PRKAG2: variants seen among roughly 807,000 people sequenced by gnomAD.
The protein encoded by PRKAG2 is 5'-AMP-activated protein kinase subunit gamma-2.
Under a neutral mutation model 69.6 loss-of-function variants are expected in PRKAG2, and 26 were observed. The ratio of observed to expected loss-of-function variants is 0.37; its 90% CI spans 0.27 to 0.52. The LOEUF is 0.52. PRKAG2 is among the 20% of genes least tolerant of loss of function. The pLI is 0.90. For synonymous variants in PRKAG2, 293 were observed against 285.0 expected (o/e 1.03, Z -0.28); for missense variants, 557 against 740.0 (o/e 0.75, Z 2.87).
intron 3 of PRKAG2, chr7:151,736,510 A>T (rs1799836394): frequency 4.3e-6 from 3 of 692,422 alleles, no homozygotes; most frequent in South Asian, 1.3e-4. Context: ...CTGTAAAAGG[A>T]AACCACCCTG....
intron 1 of PRKAG2, among the ~76,000 whole-genome samples, chr7:151,816,472 C>T (rs1457534158): frequency 6.6e-6 from 1 of 152,172 alleles, no homozygotes; most frequent in African/African-American, 2.4e-5. Context: ...TCAGTTCTTC[C>T]TTTGAAAAAC....
intron 1 of PRKAG2, among the ~76,000 whole-genome samples, chr7:151,865,835 C>T (rs369114192): frequency 1.8e-4 from 28 of 152,112 alleles, no homozygotes; most frequent in Middle Eastern, 3.4e-3. Flanking sequence ...CTGGCTAACA[C>T]GGTGAAACCC....
chr7:151,629,438 T>G (rs1391079512), intron 5 of PRKAG2, among the ~76,000 whole-genome samples: 1 of 152,164 alleles, frequency 6.6e-6, no homozygotes, highest in Non-Finnish European at 1.5e-5. Flanking sequence ...CTGTCGGATA[T>G]ACGGACAGAG....
Position 151,807,359 on chromosome 7 carries a change from C to A in PRKAG2, c.115-20818G>T, listed in dbSNP as rs1445634872. 2.2e-6 allele frequency: 1 copy of A among 452,808 alleles called. No homozygotes were observed. The highest frequency in any genetic ancestry group is 4.5e-6 in the Non-Finnish European group (1 of 223,026). 28.0% of individuals were successfully genotyped at this position (452,808 alleles called of 1,614,324 possible). ...TAAGAATCCTGGAATACTCCATGTG[C>A]TTTTTCATGCAGCGGGAGTGGAATT... On this transcript the variant is annotated intron_variant, in intron 1 of 15. Coordinates refer to ENST00000287878, the MANE Select transcript of PRKAG2 (RefSeq NM_016203.4). The surrounding 1 kb of genome is among the most constrained non-coding windows in gnomAD (Gnocchi z 4.4).
intron 5 of PRKAG2, among the ~76,000 whole-genome samples, chr7:151,608,041 C>G (rs1403343011): frequency 2.6e-5 from 4 of 152,120 alleles, no homozygotes. Context: ...AGAGAAGATG[C>G]AGCGCGGCAC....
intron 1 of PRKAG2, among the ~76,000 whole-genome samples, chr7:151,868,654 G>C (rs1341863241): frequency 6.6e-6 from 1 of 152,224 alleles, no homozygotes; most frequent in Non-Finnish European, 1.5e-5. Flanking sequence ...CACGTTCATT[G>C]GTCCCATTTT....
At chr7:151,842,192 A>G (rs1291608602) in intron 1 of PRKAG2, among the ~76,000 whole-genome samples, 1 of 109,456 alleles carries the variant, frequency 9.1e-6, no homozygotes, top group Admixed American at 9.8e-5. Flanking sequence ...GATGGTAGCA[A>G]TGGTAGGTAG....
intron 1 of PRKAG2, among the ~76,000 whole-genome samples, chr7:151,805,688 T>C (rs1473181669): frequency 6.6e-6 from 1 of 152,180 alleles, no homozygotes; most frequent in Non-Finnish European, 1.5e-5. Flanking sequence ...TTGGAAAACA[T>C]GAGTTATCAC....
At chr7:151,687,278 G>A (rs548242916) in intron 3 of PRKAG2, among the ~76,000 whole-genome samples, 5 of 152,154 alleles carry the variant, frequency 3.3e-5, no homozygotes, top group Non-Finnish European at 7.3e-5. Flanking sequence ...TACTTCGCTT[G>A]GGCAAAAGAC....
At chr7:151,860,165 A>G (rs1217994526) in intron 1 of PRKAG2, among the ~76,000 whole-genome samples, 1 of 152,188 alleles carries the variant, frequency 6.6e-6, no homozygotes, top group Non-Finnish European at 1.5e-5. Flanking sequence ...CACATTAACC[A>G]GCAGCTATGA....
intron 1 of PRKAG2, among the ~76,000 whole-genome samples, chr7:151,813,751 C>T (rs1434241775): frequency 1.3e-5 from 2 of 152,166 alleles, no homozygotes; most frequent in African/African-American, 4.8e-5. Flanking sequence ...CTTCCTCTCT[C>T]CCCCACTCCC....
chr7:151,855,029 ATGCTCCACACACACCG>A (rs2079680989), intron 1 of PRKAG2, among the ~76,000 whole-genome samples: 2 of 52,216 alleles, frequency 3.8e-5, no homozygotes, highest in African/African-American at 1.5e-4. Flanking sequence ...CACACACACC[ATGCTCCACACACACCG>A]CCCTCCACAC....
intron 3 of PRKAG2, among the ~76,000 whole-genome samples, chr7:151,696,117 A>G (rs1393826122): frequency 1.3e-5 from 2 of 152,176 alleles, no homozygotes; most frequent in African/African-American, 2.4e-5. Flanking sequence ...AGCCCCTGCC[A>G]GGGCTGCCAG....
In PRKAG2 at chr7:151,685,762, G is replaced by A. The variant is rs569490207; in HGVS notation, c.467-10125C>T. On this transcript the variant is annotated intron_variant, in intron 3 of 15. Transcript: ENST00000287878. The stretch of plus-strand genomic sequence containing the variant: ...CCAATCTGGGTGACAGAAAGACCCT[G>A]TCTCTAAAAAAAAAAAAAAAAATTC... 7.3e-5 allele frequency among the ~76,000 whole-genome samples: 6 copies of A among 82,482 alleles called. No individual in the cohort carries two copies. The South Asian group carries it at 1.9e-3, about 26-fold the overall frequency. The allele number at this position is 82,482 out of a possible 152,430, so 54.1% of individuals were successfully genotyped here.
At chr7:151,681,594 T>C (rs1016472052) in intron 3 of PRKAG2, among the ~76,000 whole-genome samples, 3 of 151,750 alleles carry the variant, frequency 2.0e-5, no homozygotes, top group Non-Finnish European at 2.9e-5. Context: ...TTTTTTTTTG[T>C]TTTTTGCACG....
intron 3 of PRKAG2, among the ~76,000 whole-genome samples, chr7:151,743,091 C>CT (rs1404420066): frequency 6.6e-6 from 1 of 152,188 alleles, no homozygotes; most frequent in Non-Finnish European, 1.5e-5. Context: ...GGGAAACTCC[C>CT]TGCCACAACT....
In PRKAG2 at chr7:151,583,729, C is replaced by T. The variant is rs557739853; in HGVS notation, c.865-7277G>A. On this transcript the variant is annotated intron_variant, in intron 6 of 15. Transcript: ENST00000287878. The surrounding 1 kb of genome is among the most constrained non-coding windows in gnomAD (Gnocchi z 4.1). ...AAAATTTCTTTCCTTTTAACTGATA[C>T]GCAATTTGCTCAAACTATGATTAAT... 2.9e-4 allele frequency among the ~76,000 whole-genome samples: 44 copies of T among 152,300 alleles called. No homozygotes were observed. The South Asian group carries it at 3.1e-3, about 11-fold the overall frequency.
In PRKAG2 at chr7:151,658,156, C is replaced by CATAAATAAATAAATAA. The variant is rs763621170; in HGVS notation, c.684+17248_684+17263dup. ...CTGGTGACAGAGCAAGAGTCCGTCT[C>CATAAATAAATAAATAA]ATAAATAAATAAATAAATAAATAAA... On this transcript the variant is annotated intron_variant, in intron 4 of 15. Coordinates refer to ENST00000287878, the MANE Select transcript of PRKAG2 (RefSeq NM_016203.4). Among the ~76,000 whole-genome samples the CATAAATAAATAAATAA allele has an allele frequency of 3.5e-3, 421 of 120,836 alleles. 4 individuals are homozygous for CATAAATAAATAAATAA. Among genetic ancestry groups the CATAAATAAATAAATAA allele is most frequent in the East Asian group, 0.012 (48 of 4,106 alleles). 79.3% of individuals were successfully genotyped at this position (120,836 alleles called of 152,430 possible).
At chr7:151,566,372 G>A (rs1275119543) in intron 11 of PRKAG2, among the ~76,000 whole-genome samples, 1 of 152,086 alleles carries the variant, frequency 6.6e-6, no homozygotes, top group Non-Finnish European at 1.5e-5. Context: ...CACGCCACCC[G>A]CCTCTACATC....
Sources: allele counts gnomAD v4.1 joint callset (sites outside exome capture counted in the v4.1 genomes callset), GRCh38; gene constraint gnomAD v4.1.1; non-coding constraint Gnocchi (gnomAD v3.1); transcripts MANE v1.5; gene names NCBI Gene and HGNC (gene_info 2026-07-23, HGNC 2026-07-21).